ARPC3: variants seen among roughly 807,000 people sequenced by gnomAD.
The protein encoded by ARPC3 is actin-related protein 2/3 complex subunit 3.
ARPC3 carries 12 observed loss-of-function variants against 27.6 expected under a neutral mutation model. The observed-to-expected ratio is 0.43, with a 90% CI of 0.28 to 0.70. ARPC3 has a LOEUF of 0.70. Ranked by LOEUF, ARPC3 falls within the 30% of genes least tolerant of loss-of-function variation. The probability of loss-of-function intolerance (pLI) is 0.17; values close to 1 mark genes in which losing one functional copy is unlikely to be tolerated. For missense variants in ARPC3, 153 were observed against 207.7 expected (o/e 0.74, Z 1.62); for synonymous variants, 53 against 67.2 (o/e 0.79, Z 1.03).
intron 1 of ARPC3, among the ~76,000 whole-genome samples, chr12:110,447,648 C>T (rs748637215): frequency 1.4e-4 from 22 of 152,228 alleles, no homozygotes; most frequent in Non-Finnish European, 2.4e-4. Context: ...TAGTGCATGC[C>T]TGTATTCCCA....
At chr12:110,448,652 C>CA (rs34460720) in intron 1 of ARPC3, among the ~76,000 whole-genome samples, 20,054 of 114,944 alleles carry the variant, frequency 0.17, 2,129 homozygotes, top group African/African-American at 0.35. Flanking sequence ...CACCCTGTCT[C>CA]AAAAAAAAAA....
chr12:110,442,945 T>C (rs2062446374), intron 2 of ARPC3: 2 of 152,310 alleles, frequency 1.3e-5, no homozygotes, highest in South Asian at 2.1e-4. Context: ...GTTTCAGCAG[T>C]GCTGAGACAG....
At chr12:110,441,992 T>C (rs1037392772) in intron 2 of ARPC3, among the ~76,000 whole-genome samples, 19 of 150,868 alleles carry the variant, frequency 1.3e-4, no homozygotes, top group Admixed American at 4.0e-4. Context: ...GATTGCACCA[T>C]TGCACTCCAG....
At chr12:110,442,681 C>T (rs989268276) in intron 2 of ARPC3, 2 of 151,832 alleles carry the variant, frequency 1.3e-5, no homozygotes, top group Non-Finnish European at 2.9e-5. Context: ...TTTGAATTTA[C>T]ATATTATAGT....
chr12:110,435,674 A>G (rs2138032443), intron 6 of ARPC3, among the ~76,000 whole-genome samples: 1 of 150,148 alleles, frequency 6.7e-6, no homozygotes, highest in Non-Finnish European at 1.5e-5. Context: ...TTCAGGCTGG[A>G]GTGTAATGGC....
In ARPC3 at chr12:110,434,914, A is replaced by G; in HGVS notation, c.*241T>C. ...GTTTTTCTGACATGGAATGTTAGAA[A>G]TTTCTTTATTATTACTTATTCTTAT... On this transcript the variant is annotated 3_prime_UTR_variant, in exon 7 of 7. Coordinates refer to ENST00000228825, the MANE Select transcript of ARPC3 (RefSeq NM_001278556.2). 1.5e-6 allele frequency: 1 copy of G among 669,144 alleles called. No individual in the cohort carries two copies. The highest frequency in any genetic ancestry group is 2.9e-5 in the East Asian group (1 of 34,598). 41.5% of individuals were successfully genotyped at this position (669,144 alleles called of 1,614,324 possible). A position where few individuals can be genotyped will look rare whatever the true frequency, so the allele number is the denominator to read the frequency against.
At chr12:110,444,990 T>A (rs1259015487) in intron 2 of ARPC3, 1 of 176,594 alleles carries the variant, frequency 5.7e-6, no homozygotes, top group Non-Finnish European at 1.2e-5. Context: ...GGAATAGACG[T>A]AAGTAATGTT....
chr12:110,442,260 T>C (rs2062441816), intron 2 of ARPC3, among the ~76,000 whole-genome samples: 1 of 152,148 alleles, frequency 6.6e-6, no homozygotes, highest in Admixed American at 6.6e-5. Context: ...CGTCTCTCAA[T>C]GCATTTATAA....
At position 110,437,119 on chromosome 12, in the gene ARPC3, G is replaced by C. The variant is rs764227581; in HGVS notation, c.217C>G (p.Leu73Val). 1.1e-5 allele frequency: 18 copies of C among 1,603,254 alleles called. No homozygotes were observed. In the Admixed American group the frequency reaches 1.3e-4, roughly 12 times the overall value. The part of the protein sequence containing the change: ...EADRTLIYIT[L>V]YISECLKKLQ... ...TTCTTCAGACATTCAGAAATGTAGA[G>C]AGTTATATATATCAAGGTCCTATCA... Residue 73 changes from leucine (L) to valine (V), a missense_variant, in exon 4 of 7, where the codon CTC becomes GTC. Transcript: ENST00000228825.
chr12:110,435,514 T>C (rs959771631), intron 6 of ARPC3, among the ~76,000 whole-genome samples: 1 of 152,034 alleles, frequency 6.6e-6, no homozygotes, highest in Non-Finnish European at 1.5e-5. Context: ...TATTTTTTAG[T>C]AGAGACGGGG....
In ARPC3 at chr12:110,450,271, C is replaced by T. The variant is rs1297617841; in HGVS notation, c.-11G>A. 6.2e-7 allele frequency: 1 copy of T among 1,614,012 alleles called. No individual in the cohort carries two copies. The highest frequency in any genetic ancestry group is 8.5e-7 in the Non-Finnish European group (1 of 1,179,922). ...AACCCTCACCGGCATCTTGGCGGCG[C>T]CCGGGTTTCAACCCAGAGGAGCAGG... is the stretch of plus-strand genomic sequence containing the variant. On this transcript the variant is annotated 5_prime_UTR_variant, in exon 1 of 7. Transcript: ENST00000228825.
At chr12:110,450,216 A>G (rs2062493933) in intron 1 of ARPC3, 39 bp downstream of exon 1, 1 of 1,613,634 alleles carries the variant, frequency 6.2e-7, no homozygotes, top group Non-Finnish European at 8.5e-7. Flanking sequence ...GCTCTTCGCA[A>G]TCCCCGCTGT....
intron 2 of ARPC3, chr12:110,442,716 G>T (rs1388443909): frequency 1.3e-5 from 2 of 152,008 alleles, no homozygotes; most frequent in African/African-American, 4.8e-5. Flanking sequence ...CAATTATTTA[G>T]AACATGTTGA....
At chr12:110,441,087 C>G in intron 2 of ARPC3, among the ~76,000 whole-genome samples, 1 of 151,862 alleles carries the variant, frequency 6.6e-6, no homozygotes, top group Admixed American at 6.6e-5. Flanking sequence ...TCGTGATCCG[C>G]CCATCTCGGC....
intron 1 of ARPC3, among the ~76,000 whole-genome samples, chr12:110,447,405 C>T (rs757310973): frequency 2.0e-5 from 3 of 152,114 alleles, no homozygotes; most frequent in Non-Finnish European, 4.4e-5. Flanking sequence ...CTTCTATGTG[C>T]AAGACACTGT....
chr12:110,445,611 A>G, intron 1 of ARPC3, 60 bp from the exon 2 acceptor site: 2 of 1,256,734 alleles, frequency 1.6e-6, no homozygotes, highest in Non-Finnish European at 2.3e-6. Flanking sequence ...TCACTGTGGC[A>G]AACAACCTTC....
At chr12:110,436,018 A>C (rs1366392727) in intron 6 of ARPC3, 92 bp downstream of exon 6, 9 of 999,322 alleles carry the variant, frequency 9.0e-6, no homozygotes, top group Non-Finnish European at 1.4e-5. Flanking sequence ...GAAATTAAAA[A>C]TATTCTTGCA....
intron 5 of ARPC3, 160 bp from the exon 6 acceptor site, chr12:110,436,364 T>C: frequency 1.7e-6 from 2 of 1,161,036 alleles, no homozygotes; most frequent in South Asian, 1.4e-5. Flanking sequence ...TATTTGTTTT[T>C]GTTCAAAAGA....
At chr12:110,441,264 C>T (rs1238757003) in intron 2 of ARPC3, among the ~76,000 whole-genome samples, 1 of 151,950 alleles carries the variant, frequency 6.6e-6, no homozygotes, top group Admixed American at 6.6e-5. Context: ...TCCCAAGTAG[C>T]TGGGATTATA....
Sources: allele counts gnomAD v4.1 joint callset (sites outside exome capture counted in the v4.1 genomes callset), GRCh38; gene constraint gnomAD v4.1.1; transcripts MANE v1.5; gene names NCBI Gene and HGNC (gene_info 2026-07-23, HGNC 2026-07-21).